Variants in LMOD2 observed in about 807,000 individuals in gnomAD.
LMOD2 encodes the protein leiomodin 2.
In LMOD2, 27 loss-of-function variants were observed where a neutral mutation model predicts 41.7. That is an observed-to-expected ratio of 0.65 (90% CI 0.48 to 0.89). The LOEUF is 0.89. LMOD2 is among the 40% of genes least tolerant of loss of function. LMOD2 has a pLI of 0.00. For synonymous variants in LMOD2, 251 were observed against 244.6 expected (o/e 1.03, Z -0.25); for missense variants, 624 against 667.9 (o/e 0.93, Z 0.72).
chr7:123,662,989 G>A lies in LMOD2; in HGVS notation c.1403G>A (p.Ser468Asn). 2 of 1,552,812 alleles carry A rather than the reference G, an allele frequency of 1.3e-6. No individual in the cohort carries two copies. The highest frequency in any genetic ancestry group is 1.7e-6 in the Non-Finnish European group (2 of 1,147,726). ...GCAGAAGTCATCAAACAACAGGAGA[G>A]TGCCCAACGGGCATTACAAAATGGA... ...NIAEVIKQQE[S>N]AQRALQNGQK... The change falls in exon 2 of 3, where the codon AGT becomes AAT. Residue 468 changes from serine (S) to asparagine (N), a missense_variant. Transcript: ENST00000458573. This position sits in a 1 kb window ranked among gnomAD's most constrained non-coding sequence, Gnocchi z 4.0.
rs758615563 is a variant in LMOD2, at chr7:123,663,756, T to G, written c.*11T>G. The G allele has an allele frequency of 1.2e-5, 19 of 1,572,628 alleles. No homozygotes were observed. Among genetic ancestry groups the G allele is most frequent in the Non-Finnish European group, 1.6e-5 (18 of 1,156,742 alleles). On this transcript the variant is annotated 3_prime_UTR_variant, in exon 3 of 3. Coordinates refer to ENST00000458573, the MANE Select transcript of LMOD2 (RefSeq NM_207163.3). ...GAAGCCCTGCGATAAAAACATGATCTTTAGAAGAGGATGCAGAACTGTTCA... is the reference window on the plus strand; with the variant it reads ...GAAGCCCTGCGATAAAAACATGATCGTTAGAAGAGGATGCAGAACTGTTCA...
Position 123,661,858 on chromosome 7 carries a change from A to T in LMOD2, c.274-2A>T. 6.7e-7 allele frequency: 1 copy of T among 1,499,690 alleles called. No homozygotes were observed. Among genetic ancestry groups the T allele is most frequent in the East Asian group, 2.5e-5 (1 of 40,528 alleles). The allele number at this position is 1,499,690 out of a possible 1,614,324, so 92.9% of individuals were successfully genotyped here. A position where few individuals can be genotyped will look rare whatever the true frequency, so the allele number is the denominator to read the frequency against. On this transcript the variant is annotated splice_acceptor_variant, in intron 1 of 2. Transcript: ENST00000458573. LOFTEE classifies it high-confidence loss of function. ...GCTTAATGATGATATCATACTCTTT[A>T]GGTTGCAGAAGACAAAGAGGAAAGT...
intron 1 of LMOD2, among the ~76,000 whole-genome samples, chr7:123,659,849 T>C (rs552014077): frequency 2.0e-5 from 3 of 152,296 alleles, no homozygotes; most frequent in South Asian, 2.1e-4. Context: ...AGATGCTATA[T>C]GACAATTCAC....
chr7:123,664,255 G>C lies in LMOD2; in HGVS notation c.*510G>C, dbSNP rs1381789430. 6.6e-6 allele frequency: 1 copy of C among 151,754 alleles called. No homozygotes were observed. The highest frequency in any genetic ancestry group is 1.5e-5 in the Non-Finnish European group (1 of 68,158). 9.4% of individuals were successfully genotyped at this position (151,754 alleles called of 1,614,324 possible). A position where few individuals can be genotyped will look rare whatever the true frequency, so the allele number is the denominator to read the frequency against. On this transcript the variant is annotated 3_prime_UTR_variant, in exon 3 of 3. Coordinates refer to ENST00000458573, the MANE Select transcript of LMOD2 (RefSeq NM_207163.3). ...GTCAGGTGTGTATGTAACATTACTGGACATTAAAAAAAAATATTACATTCT... is the reference window on the plus strand; with the variant it reads ...GTCAGGTGTGTATGTAACATTACTGCACATTAAAAAAAAATATTACATTCT...
At position 123,663,526 on chromosome 7, in the gene LMOD2, A is replaced by T. The variant is rs934011095; in HGVS notation, c.1618-193A>T. ...CAAAAGGATTCACCACTTGTCAAAA[A>T]TTTTACCACAGAGTTGTGACTGATT... On this transcript the variant is annotated intron_variant, in intron 2 of 2. Coordinates refer to ENST00000458573, the MANE Select transcript of LMOD2 (RefSeq NM_207163.3). The T allele has an allele frequency of 4.9e-6, 3 of 613,968 alleles. No individual in the cohort carries two copies. In the African/African-American group the frequency reaches 5.6e-5, roughly 11 times the overall value. 38.0% of individuals were successfully genotyped at this position (613,968 alleles called of 1,614,324 possible). A position where few individuals can be genotyped will look rare whatever the true frequency, so the allele number is the denominator to read the frequency against.
rs781686401 is a variant in LMOD2, at chr7:123,663,787, A to G, written c.*42A>G. The G allele has an allele frequency of 8.6e-6, 13 of 1,508,522 alleles. No homozygotes were observed. In the South Asian group the frequency reaches 1.6e-4, roughly 18 times the overall value. The allele number at this position is 1,508,522 out of a possible 1,614,324, so 93.4% of individuals were successfully genotyped here. On this transcript the variant is annotated 3_prime_UTR_variant, in exon 3 of 3. Coordinates refer to ENST00000458573, the MANE Select transcript of LMOD2 (RefSeq NM_207163.3). Reference sequence around the variant, plus strand: ...AGAGGATGCAGAACTGTTCAGTGGTATTACATGAAATGCATTGTGAGATGT... The same window carrying G: ...AGAGGATGCAGAACTGTTCAGTGGTGTTACATGAAATGCATTGTGAGATGT...
At chr7:123,656,270 A>C in intron 1 of LMOD2, 34 bp downstream of exon 1, 4 of 1,563,226 alleles carry the variant, frequency 2.6e-6, no homozygotes, top group East Asian at 2.3e-5. Context: ...GGCTAACCCC[A>C]CCTCCCCATC....
Position 123,663,201 on chromosome 7 carries a change from C to T in LMOD2, c.1615C>T (p.Arg539Trp), listed in dbSNP as rs761496581. Residue 539 changes from arginine to tryptophan, a missense_variant and splice_region_variant, in exon 2 of 3, where the codon CGG becomes TGG. By Grantham distance (101) the Arg-to-Trp change is moderately radical. Transcript: ENST00000458573. The part of the protein sequence containing the change: ...IRGSSIKQLK[R>W]VEVPEALR Reference sequence around the variant, plus strand: ...GGGAAGCAGCATAAAACAGCTAAAGCGGGTAAGTAACCAGAGAACAGACAT... The same window carrying T: ...GGGAAGCAGCATAAAACAGCTAAAGTGGGTAAGTAACCAGAGAACAGACAT... The T allele has an allele frequency of 7.7e-6, 12 of 1,562,166 alleles. No individual in the cohort carries two copies. Among genetic ancestry groups the T allele is most frequent in the East Asian group, 7.2e-5 (3 of 41,782 alleles).
chr7:123,659,510 A>G (rs1468456176), intron 1 of LMOD2, among the ~76,000 whole-genome samples: 1 of 152,174 alleles, frequency 6.6e-6, no homozygotes, highest in African/African-American at 2.4e-5. Context: ...AATCCTGGGA[A>G]ACCCTTCACA....
intron 1 of LMOD2, among the ~76,000 whole-genome samples, chr7:123,660,291 TCTCTCTCTCTCTCTCC>T (rs1054828802): frequency 8.3e-6 from 1 of 120,416 alleles, no homozygotes; most frequent in Non-Finnish European, 1.9e-5. Flanking sequence ...TCTCTTTCTC[TCTCTCTCTCTCTCTCC>T]CTCTCTCTCT....
At chr7:123,658,408 A>G (rs1802824417) in intron 1 of LMOD2, among the ~76,000 whole-genome samples, 1 of 152,156 alleles carries the variant, frequency 6.6e-6, no homozygotes, top group Non-Finnish European at 1.5e-5. Flanking sequence ...TGCGTAAGTG[A>G]AGAGCCATAA....
In LMOD2 at chr7:123,662,606, A is replaced by G. The variant is rs1462451859; in HGVS notation, c.1020A>G (p.Pro340=). 3 of 1,614,038 alleles carry G rather than the reference A, an allele frequency of 1.9e-6. No homozygotes were observed. The highest frequency in any genetic ancestry group is 3.3e-4 in the Middle Eastern group (2 of 6,062). ...RLGYHFELPG[P]RMSMTSILTR... is the part of the protein sequence containing the mutation. ...GATACCATTTTGAACTCCCAGGACC[A>G]AGAATGAGCATGACGAGCATTTTGA... is the stretch of plus-strand genomic sequence containing the variant. The change falls in exon 2 of 3, where the codon CCA becomes CCG. Residue 340 remains proline (P), a synonymous_variant. Transcript: ENST00000458573. The surrounding 1 kb of genome is among the most constrained non-coding windows in gnomAD (Gnocchi z 4.0).
chr7:123,660,757 T>C (rs931201639), intron 1 of LMOD2, among the ~76,000 whole-genome samples: 6 of 150,892 alleles, frequency 4.0e-5, no homozygotes, highest in African/African-American at 1.5e-4. Flanking sequence ...TCAGAAAAGA[T>C]AGCAAGAAAA....
At chr7:123,658,897 G>A (rs188787147) in intron 1 of LMOD2, among the ~76,000 whole-genome samples, 5 of 152,246 alleles carry the variant, frequency 3.3e-5, no homozygotes, top group Non-Finnish European at 5.9e-5. Context: ...GCTCTCACAG[G>A]TGATTATGAC....
intron 1 of LMOD2, among the ~76,000 whole-genome samples, chr7:123,661,610 T>C (rs751674493): frequency 6.6e-6 from 1 of 152,232 alleles, no homozygotes; most frequent in African/African-American, 2.4e-5. Context: ...TATATATTTT[T>C]ATTCAATAAG....
chr7:123,661,924 C>A lies in LMOD2; in HGVS notation c.338C>A (p.Ser113Tyr). The A allele has an allele frequency of 6.4e-7, 1 of 1,551,236 alleles. No individual in the cohort carries two copies. The highest frequency in any genetic ancestry group is 8.7e-7 in the Non-Finnish European group (1 of 1,147,034). ...LIFTESNSEV[S>Y]EEVYTEEEEE... ...TTTACTGAAAGTAACAGTGAGGTTT[C>A]TGAGGAAGTGTATACAGAGGAGGAG... The change falls in exon 2 of 3, where the codon TCT (serine) becomes TAT (tyrosine). Residue 113 changes from serine (S) to tyrosine (Y), a missense_variant. Transcript: ENST00000458573.
intron 1 of LMOD2, among the ~76,000 whole-genome samples, chr7:123,660,551 A>T (rs1802861239): frequency 6.6e-6 from 1 of 151,652 alleles, no homozygotes. Flanking sequence ...TTCCAAAGCT[A>T]GATCTACATG....
intron 1 of LMOD2, among the ~76,000 whole-genome samples, chr7:123,661,569 CTGATT>C (rs1224950635): frequency 3.9e-5 from 6 of 152,112 alleles, no homozygotes; most frequent in African/African-American, 1.2e-4. Flanking sequence ...AGCTGAAGTT[CTGATT>C]TATTTGTTCA....
In LMOD2 at chr7:123,656,225, G is replaced by A. The variant is rs746604807; in HGVS notation, c.262G>A (p.Glu88Lys). The change falls in exon 1 of 3, where the codon GAA becomes AAA. Residue 88 changes from glutamate (E) to lysine (K), a missense_variant. Physicochemically the swap from Glu to Lys is moderately conservative, Grantham distance 56. Coordinates refer to ENST00000458573, the MANE Select transcript of LMOD2 (RefSeq NM_207163.3). ...ACTCTTGGAGAAGGAGAGGCTGGGG[G>A]AATGTGGAAAGGTAGGCTCTCGGGA... The part of the protein sequence containing the change: ...QKLLEKERLG[E>K]CGKVAEDKEE... 6 of 1,606,740 alleles carry A rather than the reference G, an allele frequency of 3.7e-6. No individual in the cohort carries two copies. Among genetic ancestry groups the A allele is most frequent in the African/African-American group, 2.7e-5 (2 of 74,928 alleles).
Sources: allele counts gnomAD v4.1 joint callset (sites outside exome capture counted in the v4.1 genomes callset), GRCh38; gene constraint gnomAD v4.1.1; non-coding constraint Gnocchi (gnomAD v3.1); transcripts MANE v1.5; gene names NCBI Gene and HGNC (gene_info 2026-07-23, HGNC 2026-07-21).